Variants in TTC5 observed in about 807,000 individuals in gnomAD.
TTC5 encodes the protein tetratricopeptide repeat domain 5.
Under a neutral mutation model 57.4 loss-of-function variants are expected in TTC5, and 46 were observed. The ratio of observed to expected loss-of-function variants is 0.80; its 90% CI spans 0.63 to 1.03. TTC5 has a LOEUF of 1.03. TTC5 is among the 50% of genes least tolerant of loss of function. TTC5 has a pLI of 0.00. For synonymous variants in TTC5, 190 were observed against 203.5 expected (o/e 0.93, Z 0.57); for missense variants, 504 against 528.1 (o/e 0.95, Z 0.45).
At chr14:20,295,107 G>A in intron 8 of TTC5, 1 of 575,146 alleles carries the variant, frequency 1.7e-6, no homozygotes, top group African/African-American at 1.9e-5. Flanking sequence ...TACAAAATGG[G>A]CAGTGACAGA....
chr14:20,290,887 C>T (rs1442463392), intron 9 of TTC5, among the ~76,000 whole-genome samples: 1 of 152,154 alleles, frequency 6.6e-6, no homozygotes, highest in African/African-American at 2.4e-5. Context: ...ACCTCTGACA[C>T]TATAGTGCAA....
chr14:20,299,463 G>A lies in TTC5; in HGVS notation c.397-15C>T. On this transcript the variant is annotated splice_polypyrimidine_tract_variant and intron_variant, in intron 3 of 9. Transcript: ENST00000258821. Reference sequence around the variant, plus strand: ...TTGTTCCTGCACTGCAAATAGGAAGGGCACATACTCAATCTTCCTGATTCT... The same window carrying A: ...TTGTTCCTGCACTGCAAATAGGAAGAGCACATACTCAATCTTCCTGATTCT... 6.2e-7 allele frequency: 1 copy of A among 1,612,066 alleles called. No homozygotes were observed. Among genetic ancestry groups the A allele is most frequent in the Non-Finnish European group, 8.5e-7 (1 of 1,179,682 alleles).
intron 4 of TTC5, 122 bp from the exon 5 acceptor site, chr14:20,299,010 A>G (rs993028811): frequency 2.5e-6 from 2 of 796,752 alleles, no homozygotes; most frequent in Admixed American, 4.6e-5. Context: ...GAATGACACG[A>G]TACTTAGTAT....
Position 20,287,139 on chromosome 14 carries a change from CA to C in TTC5, c.*2487del, listed in dbSNP as rs1881854189. ...ATGATCCAGCAATTCCATTCTATGT[CA>C]ATACTCTTAAACAGTGGTTCTCAAA... is the stretch of plus-strand genomic sequence containing the variant. On this transcript the variant is annotated 3_prime_UTR_variant, in exon 10 of 10. Transcript: ENST00000258821. 6.6e-6 allele frequency: 1 copy of C among 152,158 alleles called. No homozygotes were observed. The highest frequency in any genetic ancestry group is 2.1e-4 in the South Asian group (1 of 4,822). The allele number at this position is 152,158 out of a possible 1,614,324, so 9.4% of individuals were successfully genotyped here. A position where few individuals can be genotyped will look rare whatever the true frequency, so the allele number is the denominator to read the frequency against.
rs773799389 is a variant in TTC5 at position 20,292,001 on chromosome 14, T to A, written c.1185A>T (p.Arg395=). 9 of 1,589,702 alleles carry A rather than the reference T, an allele frequency of 5.7e-6. No homozygotes were observed. In the East Asian group the frequency reaches 2.1e-4, roughly 36 times the overall value. ...TGCTCACCTTTCCTTTGTGCTGAAT[T>A]CGGTGAAGCCGCAGGTTGGGCTCAG... is the stretch of plus-strand genomic sequence containing the variant. ...AIPEPNLRLH[R]IQHKGKDYSF... Residue 395 remains arginine (R), a synonymous_variant, in exon 9 of 10, where the codon CGA becomes CGT. Transcript: ENST00000258821.
rs376975003 is a variant in TTC5, at chr14:20,291,973, C to T, written c.1203+10G>A. 8 of 1,558,270 alleles carry T rather than the reference C, an allele frequency of 5.1e-6. No homozygotes were observed. The African/African-American group carries it at 1.1e-4, about 21-fold the overall frequency. On this transcript the variant is annotated intron_variant, in intron 9 of 9. Transcript: ENST00000258821. ...CTACGAGTTGTAAGAGAATCCTAGC[C>T]ATTGCTCACCTTTCCTTTGTGCTGA...
intron 1 of TTC5, 110 bp downstream of exon 1, chr14:20,305,777 G>T: frequency 8.7e-7 from 1 of 1,144,750 alleles, no homozygotes; most frequent in Non-Finnish European, 1.3e-6. Flanking sequence ...CCACACAGAC[G>T]CACGCAGCTT....
intron 1 of TTC5, among the ~76,000 whole-genome samples, chr14:20,303,511 C>A (rs1010421543): frequency 6.6e-6 from 1 of 152,186 alleles, no homozygotes; most frequent in Non-Finnish European, 1.5e-5. Flanking sequence ...ACAATCTTCA[C>A]AACACATCCT....
chr14:20,299,077 C>T (rs1882127131), intron 4 of TTC5, among the ~76,000 whole-genome samples, 189 bp from the exon 5 acceptor site: 1 of 152,168 alleles, frequency 6.6e-6, no homozygotes, highest in African/African-American at 2.4e-5. Context: ...TTTGAACAGA[C>T]TGTACAAAAG....
At chr14:20,291,236 T>G (rs536671533) in intron 9 of TTC5, among the ~76,000 whole-genome samples, 1 of 152,290 alleles carries the variant, frequency 6.6e-6, no homozygotes, top group Admixed American at 6.5e-5. Context: ...TTAACATTTT[T>G]TTGTAGAGAC....
At chr14:20,298,073 A>G (rs1377374858) in intron 5 of TTC5, among the ~76,000 whole-genome samples, 1 of 152,208 alleles carries the variant, frequency 6.6e-6, no homozygotes, top group Non-Finnish European at 1.5e-5. Flanking sequence ...ATAAGTAATG[A>G]TAAGTTAAAA....
In TTC5 at chr14:20,299,009, G is replaced by A. The variant is rs79625636; in HGVS notation, c.548-121C>T. 1,169 of 821,064 alleles carry A rather than the reference G, an allele frequency of 1.4e-3. 11 individuals are homozygous for A. The African/African-American group carries it at 0.017, about 12-fold the overall frequency. The allele number at this position is 821,064 out of a possible 1,614,324, so 50.9% of individuals were successfully genotyped here. On this transcript the variant is annotated intron_variant, in intron 4 of 9. Transcript: ENST00000258821. ...AAGAAATCCAAACCAGGAATGACAC[G>A]ATACTTAGTATACCCAAAACTCCAC...
chr14:20,295,429 C>T lies in TTC5; in HGVS notation c.941G>A (p.Gly314Glu), dbSNP rs753279090. ...CSDGHYQSAS[G>E]QKVTLELKPL... ...CTTGAGCTCCAGGGTCACTTTCTGC[C>T]CAGAGGCTGACTGATAGTGCCCATC... The change falls in exon 8 of 10, where the codon GGG becomes GAG. Residue 314 changes from glycine to glutamate, a missense_variant. Coordinates refer to ENST00000258821, the MANE Select transcript of TTC5 (RefSeq NM_138376.3). 1 of 1,614,042 alleles carries T rather than the reference C, an allele frequency of 6.2e-7. No homozygotes were observed. The highest frequency in any genetic ancestry group is 8.5e-7 in the Non-Finnish European group (1 of 1,180,038).
At position 20,295,767 on chromosome 14, in the gene TTC5, G is replaced by T. The variant is rs1275732181; in HGVS notation, c.784C>A (p.Gln262Lys). 2 of 1,614,004 alleles carry T rather than the reference G, an allele frequency of 1.2e-6. No homozygotes were observed. The highest frequency in any genetic ancestry group is 2.2e-5 in the East Asian group (1 of 44,882). ...AATTCCAGAAGTTGTTGCTCTCGTTGCCGGGGCTCTGGCCAGGCAGGGTCC... is the reference window on the plus strand; with the variant it reads ...AATTCCAGAAGTTGTTGCTCTCGTTTCCGGGGCTCTGGCCAGGCAGGGTCC... ...ALDPAWPEPR[Q>K]REQQLLEFLD... Residue 262 changes from glutamine to lysine, a missense_variant, in exon 7 of 10, where the codon CAA becomes AAA. Gln to Lys is a moderately conservative substitution (Grantham distance 53). Coordinates refer to ENST00000258821, the MANE Select transcript of TTC5 (RefSeq NM_138376.3).
chr14:20,289,748 T>C lies in TTC5; in HGVS notation c.1204-2A>G. On this transcript the variant is annotated splice_acceptor_variant, in intron 9 of 9. Coordinates refer to ENST00000258821, the MANE Select transcript of TTC5 (RefSeq NM_138376.3). LOFTEE classifies it high-confidence loss of function. Reference sequence around the variant, plus strand: ...TCGAACACTGGAAAAGGAATAGTCCTAGAAAAGACAGACAGACAAAGGTTC... The same window carrying C: ...TCGAACACTGGAAAAGGAATAGTCCCAGAAAAGACAGACAGACAAAGGTTC... 2 of 1,611,084 alleles carry C rather than the reference T, an allele frequency of 1.2e-6. No individual in the cohort carries two copies. The highest frequency in any genetic ancestry group is 2.2e-5 in the East Asian group (1 of 44,862).
intron 1 of TTC5, 159 bp downstream of exon 1, chr14:20,305,728 G>C: frequency 1.4e-6 from 1 of 705,090 alleles, no homozygotes; most frequent in Non-Finnish European, 2.5e-6. Flanking sequence ...GAGGCTCCCT[G>C]GCTGGCTGCG....
At chr14:20,299,830 G>A (rs1381861449) in intron 3 of TTC5, among the ~76,000 whole-genome samples, 1 of 151,468 alleles carries the variant, frequency 6.6e-6, no homozygotes, top group African/African-American at 2.4e-5. Context: ...GGGATTACAG[G>A]TGTGAGCCAC....
intron 3 of TTC5, 86 bp from the exon 4 acceptor site, chr14:20,299,534 A>AT (rs1420531756): frequency 6.7e-7 from 1 of 1,484,012 alleles, no homozygotes. Flanking sequence ...TCTAAATCTA[A>AT]TTTTTTACCT....
chr14:20,301,446 T>C (rs1265149039), intron 2 of TTC5, among the ~76,000 whole-genome samples: 2 of 152,030 alleles, frequency 1.3e-5, no homozygotes, highest in Non-Finnish European at 2.9e-5. Flanking sequence ...CTTCAGCTAG[T>C]CAATAGCAGG....
Sources: allele counts gnomAD v4.1 joint callset (sites outside exome capture counted in the v4.1 genomes callset), GRCh38; gene constraint gnomAD v4.1.1; transcripts MANE v1.5; gene names NCBI Gene and HGNC (gene_info 2026-07-23, HGNC 2026-07-21).